PDE4D: variants seen among roughly 807,000 people sequenced by gnomAD.
The protein encoded by PDE4D is 3',5'-cyclic-AMP phosphodiesterase 4D.
In PDE4D, 24 loss-of-function variants were observed where a neutral mutation model predicts 87.4. The observed-to-expected ratio is 0.27, with a 90% CI of 0.20 to 0.39. The LOEUF is 0.39. Among genes scored for constraint, PDE4D ranks in the 10% least tolerant of loss-of-function variants. PDE4D has a pLI of 1.00. For missense variants in PDE4D, 714 were observed against 1,041.0 expected (o/e 0.69, Z 4.32); for synonymous variants, 384 against 383.2 (o/e 1.00, Z -0.02).
At chr5:59,559,901 A>G (rs527499033) in intron 1 of PDE4D, among the ~76,000 whole-genome samples, 2 of 152,372 alleles carry the variant, frequency 1.3e-5, no homozygotes, top group African/African-American at 2.4e-5. Context: ...AATAATTTAC[A>G]TATAAATGAA....
chr5:59,863,318 A>C (rs1167871893), intron 1 of PDE4D, among the ~76,000 whole-genome samples: 6 of 152,126 alleles, frequency 3.9e-5, no homozygotes, highest in Non-Finnish European at 5.9e-5. Flanking sequence ...AGATACCATG[A>C]TGGCCCATTA....
intron 1 of PDE4D, among the ~76,000 whole-genome samples, chr5:59,437,674 A>G (rs1041385290): frequency 6.6e-6 from 1 of 152,048 alleles, no homozygotes; most frequent in Admixed American, 6.6e-5. Flanking sequence ...ATGTATACAC[A>G]CAAGAAGTAG....
chr5:60,080,913 T>TC (rs1773856523), intron 2 of PDE4D, among the ~76,000 whole-genome samples: 1 of 151,938 alleles, frequency 6.6e-6, no homozygotes, highest in African/African-American at 2.4e-5. Context: ...TAGGGAGGAG[T>TC]CCCTCCTTTT....
chr5:60,504,262 A>T (rs1477425840), intron 1 of PDE4D, among the ~76,000 whole-genome samples: 16 of 148,832 alleles, frequency 1.1e-4, no homozygotes, highest in South Asian at 2.1e-4. Context: ...GTCTTTATGC[A>T]TTTTTTTTTT....
At chr5:60,212,702 C>A (rs1743390647) in intron 1 of PDE4D, among the ~76,000 whole-genome samples, 1 of 152,180 alleles carries the variant, frequency 6.6e-6, no homozygotes, top group Non-Finnish European at 1.5e-5. Context: ...CTAGATCTGT[C>A]CCCACTGCAC....
intron 1 of PDE4D, among the ~76,000 whole-genome samples, chr5:59,544,118 C>T (rs1816844001): frequency 6.6e-6 from 1 of 152,096 alleles, no homozygotes; most frequent in Admixed American, 6.6e-5. Flanking sequence ...CCTGTAGTGG[C>T]AGGAGGGGAG....
chr5:59,143,879 C>T (rs1391619951), intron 5 of PDE4D, among the ~76,000 whole-genome samples: 1 of 152,206 alleles, frequency 6.6e-6, no homozygotes, highest in East Asian at 1.9e-4. Flanking sequence ...CTTGGAAAAG[C>T]TTGTGATAGA....
intron 1 of PDE4D, among the ~76,000 whole-genome samples, chr5:60,385,885 A>G (rs1341742523): frequency 1.3e-5 from 2 of 152,036 alleles, no homozygotes; most frequent in African/African-American, 4.8e-5. Flanking sequence ...AATTCCTTGT[A>G]CCCTAGCTGG....
chr5:59,436,105 A>T lies in PDE4D; in HGVS notation c.456-220137T>A, dbSNP rs73758690. Among the ~76,000 whole-genome samples the T allele has an allele frequency of 7.3e-3, 1,109 of 152,264 alleles. 18 individuals are homozygous for T. The highest frequency in any genetic ancestry group is 0.024 in the African/African-American group (1,014 of 41,574). On this transcript the variant is annotated intron_variant, in intron 1 of 14. Coordinates refer to ENST00000340635, the MANE Select transcript of PDE4D (RefSeq NM_001104631.2). ...TACTGGCAAATTCAAAATTAATTAA[A>T]CACTCTTCTATTAAGGGTCAGCTAC...
At chr5:59,331,096 A>G (rs1255200333) in intron 1 of PDE4D, among the ~76,000 whole-genome samples, 2 of 152,178 alleles carry the variant, frequency 1.3e-5, no homozygotes, top group African/African-American at 4.8e-5. Context: ...CACCTATACA[A>G]TGTTTTCAGA....
At chr5:60,471,183 G>A (rs1445220920) in intron 1 of PDE4D, among the ~76,000 whole-genome samples, 1 of 152,142 alleles carries the variant, frequency 6.6e-6, no homozygotes, top group Admixed American at 6.6e-5. Context: ...TTTAGGGGAG[G>A]AAGTCACTGC....
At chr5:58,980,148 G>GTAAGTC (rs1191448472) in intron 11 of PDE4D, among the ~76,000 whole-genome samples, 2 of 152,200 alleles carry the variant, frequency 1.3e-5, no homozygotes, top group African/African-American at 4.8e-5. Flanking sequence ...TAGGTGGGAA[G>GTAAGTC]TAAGTCTTTG....
chr5:59,282,253 A>G (rs1251205600), intron 1 of PDE4D, among the ~76,000 whole-genome samples: 2 of 152,144 alleles, frequency 1.3e-5, no homozygotes, highest in Non-Finnish European at 2.9e-5. Flanking sequence ...ATAATTCTTA[A>G]AAGACTTTTG....
At chr5:59,845,597 C>A (rs567307078) in intron 1 of PDE4D, among the ~76,000 whole-genome samples, 2 of 152,206 alleles carry the variant, frequency 1.3e-5, no homozygotes, top group South Asian at 4.1e-4. Flanking sequence ...GATTTGCCAA[C>A]ACAAGACGTG....
At chr5:60,475,947 G>A (rs1456441430) in intron 1 of PDE4D, among the ~76,000 whole-genome samples, 3 of 150,642 alleles carry the variant, frequency 2.0e-5, no homozygotes, top group Non-Finnish European at 2.9e-5. Flanking sequence ...TCAATAAGGG[G>A]TAATAACTAA....
intron 6 of PDE4D, among the ~76,000 whole-genome samples, chr5:59,001,839 A>G (rs970237869): frequency 2.0e-5 from 3 of 152,340 alleles, no homozygotes; most frequent in South Asian, 4.1e-4. Context: ...CAGTGAGCCT[A>G]TATTTCTTCC....
chr5:60,408,807 C>T (rs1461792964), intron 1 of PDE4D, among the ~76,000 whole-genome samples: 1 of 152,212 alleles, frequency 6.6e-6, no homozygotes, highest in Non-Finnish European at 1.5e-5. Flanking sequence ...CTCGCCATTA[C>T]TATGGTTCAT....
chr5:59,867,896 G>C (rs895744443), intron 1 of PDE4D, among the ~76,000 whole-genome samples: 3 of 152,194 alleles, frequency 2.0e-5, no homozygotes, highest in Non-Finnish European at 4.4e-5. Flanking sequence ...AAATACAAGA[G>C]TAGCAGTTGC....
intron 1 of PDE4D, among the ~76,000 whole-genome samples, chr5:59,779,991 A>T (rs1167139228): frequency 6.6e-6 from 1 of 152,208 alleles, no homozygotes; most frequent in Non-Finnish European, 1.5e-5. Context: ...TTATGTTGTC[A>T]TCAATTTCCC....
Sources: gnomAD v4.1 joint callset for allele counts (sites outside exome capture counted in the v4.1 genomes callset) on GRCh38, gnomAD v4.1.1 for gene constraint, MANE v1.5 for transcripts, NCBI Gene and HGNC (gene_info 2026-07-23, HGNC 2026-07-21) for gene names.